ABL2: variants seen among roughly 807,000 people sequenced by gnomAD.
ABL2 encodes the protein ABL proto-oncogene 2, non-receptor tyrosine kinase.
Under a neutral mutation model 107.7 loss-of-function variants are expected in ABL2, and 49 were observed. The ratio of observed to expected loss-of-function variants is 0.45; its 90% confidence interval spans 0.36 to 0.58. The LOEUF (loss-of-function observed/expected upper bound fraction) is 0.58. Among genes scored for constraint, ABL2 ranks in the 20% least tolerant of loss-of-function variants. The pLI is 0.00. For missense variants in ABL2, 1,245 were observed against 1,457.0 expected (o/e 0.85, Z 2.37); for synonymous variants, 549 against 548.6 (o/e 1.00, Z -0.01).
intron 1 of ABL2, among the ~76,000 whole-genome samples, chr1:179,163,204 T>C (rs1659170237): frequency 1.3e-5 from 2 of 152,188 alleles, no homozygotes; most frequent in African/African-American, 4.8e-5. Flanking sequence ...CCTATTGGAA[T>C]GGCTAAGACA....
At chr1:179,134,760 C>T (rs894084932) in intron 1 of ABL2, among the ~76,000 whole-genome samples, 11 of 152,184 alleles carry the variant, frequency 7.2e-5, no homozygotes, top group Non-Finnish European at 1.2e-4. Flanking sequence ...CCTCTTTCCA[C>T]GGTCTCCCTC....
At chr1:179,152,413 C>A (rs1658415803) in intron 1 of ABL2, among the ~76,000 whole-genome samples, 1 of 152,182 alleles carries the variant, frequency 6.6e-6, no homozygotes, top group South Asian at 2.1e-4. Flanking sequence ...ACCATTTCTT[C>A]ATCTTGTTAC....
intron 1 of ABL2, among the ~76,000 whole-genome samples, chr1:179,203,064 A>G (rs929030186): frequency 2.6e-5 from 4 of 152,224 alleles, no homozygotes; most frequent in South Asian, 4.1e-4. Flanking sequence ...GTCTCCCAGT[A>G]GGAAAGTGGG....
chr1:179,131,548 T>C, intron 2 of ABL2, 67 bp from the exon 3 acceptor site: 2 of 1,497,118 alleles, frequency 1.3e-6, no homozygotes, highest in South Asian at 2.3e-5. Flanking sequence ...TTTGAATTCA[T>C]TATATACACA....
At chr1:179,135,563 G>C (rs558002892) in intron 1 of ABL2, among the ~76,000 whole-genome samples, 1 of 151,554 alleles carries the variant, frequency 6.6e-6, no homozygotes, top group African/African-American at 2.4e-5. Context: ...AGTGAGGAGC[G>C]TCTCCTCCTG....
intron 1 of ABL2, among the ~76,000 whole-genome samples, chr1:179,138,403 T>C (rs1045544125): frequency 6.6e-6 from 1 of 152,218 alleles, no homozygotes; most frequent in African/African-American, 2.4e-5. Context: ...CCAGCCTGTT[T>C]AATTATTTTA....
chr1:179,188,276 G>A (rs1660787827), intron 1 of ABL2, among the ~76,000 whole-genome samples: 1 of 152,118 alleles, frequency 6.6e-6, no homozygotes, highest in Non-Finnish European at 1.5e-5. Context: ...GCGTGGTGAC[G>A]CAGGCCTGTA....
At chr1:179,154,506 A>G (rs999416127) in intron 1 of ABL2, among the ~76,000 whole-genome samples, 1 of 152,204 alleles carries the variant, frequency 6.6e-6, no homozygotes, top group African/African-American at 2.4e-5. Flanking sequence ...CCTCTTATTA[A>G]AAGTATGGCC....
At chr1:179,229,205 C>CCCCCCCCCCCCCCCCCCCCCCCCCCA in intron 1 of ABL2, 36 bp downstream of exon 1, 1 of 1,461,772 alleles carries the variant, frequency 6.8e-7, no homozygotes, top group Non-Finnish European at 9.1e-7. Context: ...CCCCGGCCTC[C>CCCCCCCCCCCCCCCCCCCCCCCCCCA]CCCACGCTCT....
chr1:179,175,875 G>A (rs1660012823), intron 1 of ABL2, among the ~76,000 whole-genome samples: 1 of 147,622 alleles, frequency 6.8e-6, no homozygotes, highest in South Asian at 2.2e-4. Flanking sequence ...GAGGAGGGGT[G>A]TACGAGGGCT....
At chr1:179,133,196 T>C in intron 2 of ABL2, 116 bp downstream of exon 2, 1 of 1,512,650 alleles carries the variant, frequency 6.6e-7, no homozygotes, top group Non-Finnish European at 9.0e-7. Context: ...TTTTATCATA[T>C]ATGAAAGGAA....
At chr1:179,139,138 T>C (rs530837893) in intron 1 of ABL2, among the ~76,000 whole-genome samples, 14 of 152,284 alleles carry the variant, frequency 9.2e-5, no homozygotes, top group Non-Finnish European at 1.6e-4. Context: ...TTCCACACTG[T>C]GGAAGCTTTG....
intron 1 of ABL2, among the ~76,000 whole-genome samples, chr1:179,219,200 G>A (rs920135369): frequency 2.0e-5 from 3 of 152,116 alleles, no homozygotes; most frequent in Admixed American, 1.3e-4. Context: ...GCACTAGCAC[G>A]CCTGGCTAGG....
At position 179,108,490 on chromosome 1, in the gene ABL2, G is replaced by A. The variant is rs1466477027; in HGVS notation, c.2777C>T (p.Thr926Ile). 6.2e-7 allele frequency: 1 copy of A among 1,614,204 alleles called. No individual in the cohort carries two copies. The highest frequency in any genetic ancestry group is 1.7e-5 in the Admixed American group (1 of 60,028). Residue 926 changes from threonine to isoleucine, a missense_variant, in exon 12 of 12, where the codon ACT (threonine) becomes ATT (isoleucine). This residue lies in a region of ABL2 where 761 missense variants were observed against 766.4 expected (regional missense o/e 0.99). Transcript: ENST00000502732. ...PAKAAPVLPT[T>I]HNHKVPVLIS... is the part of the protein sequence containing the mutation. ...AAGGACTGGCACTTTGTGGTTGTGA[G>A]TGGTTGGGAGGACGGGGGCAGCCTT...
At chr1:179,113,960 A>T (rs1418169763) in intron 9 of ABL2, among the ~76,000 whole-genome samples, 1 of 141,128 alleles carries the variant, frequency 7.1e-6, no homozygotes, top group South Asian at 2.3e-4. Flanking sequence ...AATAAATAAA[A>T]ATACAAAAAT....
intron 1 of ABL2, among the ~76,000 whole-genome samples, chr1:179,190,656 A>G (rs1660955929): frequency 6.6e-6 from 1 of 151,912 alleles, no homozygotes; most frequent in South Asian, 2.1e-4. Context: ...CAACCTTCTA[A>G]TCACGCCTCT....
chr1:179,139,373 C>G (rs1302520106), intron 1 of ABL2, among the ~76,000 whole-genome samples: 2 of 152,200 alleles, frequency 1.3e-5, no homozygotes. Flanking sequence ...AGACCACGAA[C>G]TCACCAGAAG....
Position 179,099,551 on chromosome 1 carries a change from G to A in ABL2, c.*8167C>T, listed in dbSNP as rs1652926494. 4.4e-6 allele frequency: 1 copy of A among 228,106 alleles called. No individual in the cohort carries two copies. The highest frequency in any genetic ancestry group is 2.2e-5 in the African/African-American group (1 of 45,038). 14.1% of individuals were successfully genotyped at this position (228,106 alleles called of 1,614,324 possible). A position where few individuals can be genotyped will look rare whatever the true frequency, so the allele number is the denominator to read the frequency against. On this transcript the variant is annotated 3_prime_UTR_variant, in exon 12 of 12. Coordinates refer to ENST00000502732, the MANE Select transcript of ABL2 (RefSeq NM_007314.4). The stretch of plus-strand genomic sequence containing the variant: ...TTAAGAACAAATACCTGACAACACT[G>A]GTAATGTGACACACAATTGATGTGT...
intron 1 of ABL2, among the ~76,000 whole-genome samples, chr1:179,144,666 A>G (rs370212401): frequency 1.6e-4 from 24 of 146,136 alleles, no homozygotes; most frequent in African/African-American, 5.1e-4. Context: ...TAGAGAAAGA[A>G]TAACTTTAAT....
Sources: allele counts gnomAD v4.1 joint callset (sites outside exome capture counted in the v4.1 genomes callset), GRCh38; gene constraint gnomAD v4.1.1; regional missense constraint gnomAD v4.1.1; transcripts MANE v1.5; gene names NCBI Gene and HGNC (gene_info 2026-07-23, HGNC 2026-07-21).